Variants in DMD observed in about 807,000 individuals in gnomAD.
The protein encoded by DMD is dystrophin.
In DMD, 63 loss-of-function variants were observed where a neutral mutation model predicts 330.1. That is an observed-to-expected ratio of 0.19 (90% CI 0.16 to 0.24). DMD has a LOEUF of 0.24. DMD is among the 10% of genes least tolerant of loss of function. DMD has a pLI of 1.00. For synonymous variants in DMD, 1,223 were observed against 959.8 expected (o/e 1.27, Z -5.07); for missense variants, 3,344 against 2,684.1 (o/e 1.25, Z -5.43).
intron 62 of DMD, among the ~76,000 whole-genome samples, chrX:31,295,375 T>A (rs1402525076): frequency 9.0e-6 from 1 of 110,803 alleles, no homozygotes; most frequent in Non-Finnish European, 1.9e-5. Flanking sequence ...ACATTTAGTA[T>A]ACATACCATA....
At chrX:31,351,732 A>AAAAAAAAAAAAAAC (rs2058432335) in intron 60 of DMD, among the ~76,000 whole-genome samples, 1 of 107,402 alleles carries the variant, frequency 9.3e-6, no homozygotes, top group Non-Finnish European at 1.9e-5. Flanking sequence ...TCTCAAAAAA[A>AAAAAAAAAAAAAAC]AAAAAAAAAA....
At chrX:32,793,786 G>C (rs1283787473) in intron 7 of DMD, among the ~76,000 whole-genome samples, 1 of 111,489 alleles carries the variant, frequency 9.0e-6, no homozygotes, top group Non-Finnish European at 1.9e-5. Context: ...AACGAAGACA[G>C]TCCAGGACCA....
At chrX:33,336,868 A>G (rs1180522987) in intron 1 of DMD, among the ~76,000 whole-genome samples, 1 of 111,248 alleles carries the variant, frequency 9.0e-6, no homozygotes, top group Admixed American at 9.6e-5. Context: ...TTTTAGAGCA[A>G]GAAATATTGG....
At chrX:32,160,667 T>C (rs932459848) in intron 44 of DMD, among the ~76,000 whole-genome samples, 2 of 111,576 alleles carry the variant, frequency 1.8e-5, no homozygotes, top group Non-Finnish European at 3.8e-5. Context: ...TAGCATACTG[T>C]ACTCAAAGTC....
chrX:32,589,940 C>T (rs1436206026), intron 13 of DMD, among the ~76,000 whole-genome samples: 10 of 111,681 alleles, frequency 9.0e-5, no homozygotes, highest in Non-Finnish European at 1.9e-4. Context: ...AACACAGACT[C>T]ACCCACGAAC....
intron 16 of DMD, among the ~76,000 whole-genome samples, chrX:32,557,411 T>A (rs771307890): frequency 8.0e-5 from 9 of 112,165 alleles, no homozygotes; most frequent in Non-Finnish European, 1.5e-4. Context: ...TGTTTGGCTC[T>A]TGACATGCTA....
intron 7 of DMD, among the ~76,000 whole-genome samples, chrX:32,779,171 T>G (rs896842323): frequency 9.0e-6 from 1 of 110,903 alleles, no homozygotes; most frequent in Non-Finnish European, 1.9e-5. Context: ...CACTGATAGG[T>G]GGCACAGTAG....
intron 7 of DMD, among the ~76,000 whole-genome samples, chrX:32,730,654 T>C (rs759391340): frequency 8.9e-6 from 1 of 112,223 alleles, no homozygotes; most frequent in South Asian, 3.7e-4. Flanking sequence ...TGAAAAATAT[T>C]AGTAACTACT....
intron 61 of DMD, among the ~76,000 whole-genome samples, chrX:31,335,121 A>C (rs1318530685): frequency 4.4e-5 from 5 of 112,366 alleles, no homozygotes; most frequent in Non-Finnish European, 7.5e-5. Context: ...TCTTGTTAAA[A>C]TGTAAGCTCC....
chrX:31,566,411 C>T (rs1020892162), intron 55 of DMD, among the ~76,000 whole-genome samples: 2 of 111,529 alleles, frequency 1.8e-5, no homozygotes, highest in African/African-American at 3.3e-5. Flanking sequence ...GGCACATTTG[C>T]ATGGGTCTGT....
chrX:33,316,539 A>G (rs1380061968), intron 1 of DMD, among the ~76,000 whole-genome samples: 1 of 111,796 alleles, frequency 8.9e-6, no homozygotes, highest in Non-Finnish European at 1.9e-5. Context: ...TTCTCTGCCT[A>G]TGTGTATCCA....
chrX:31,685,806 G>A (rs1462900120), intron 52 of DMD, among the ~76,000 whole-genome samples: 1 of 112,302 alleles, frequency 8.9e-6, no homozygotes, highest in Admixed American at 9.4e-5. Flanking sequence ...GATAAGAGTT[G>A]GAATAGTTAG....
chrX:31,403,216 T>C (rs2148852353), intron 60 of DMD, among the ~76,000 whole-genome samples: 1 of 112,254 alleles, frequency 8.9e-6, no homozygotes, highest in Non-Finnish European at 1.9e-5. Context: ...TTGTAATGTG[T>C]CAGAGAACAA....
chrX:31,167,115 T>A (rs1021177702), intron 74 of DMD, among the ~76,000 whole-genome samples: 2 of 111,736 alleles, frequency 1.8e-5, no homozygotes, highest in African/African-American at 6.5e-5. Flanking sequence ...CAATTCTATG[T>A]AAATGACATT....
chrX:32,312,381 T>C (rs972288240), intron 41 of DMD, among the ~76,000 whole-genome samples: 18 of 111,483 alleles, frequency 1.6e-4, no homozygotes, highest in African/African-American at 5.8e-4. Context: ...TTCATTACTT[T>C]CATTTGAGAT....
At chrX:32,646,510 T>C (rs1223729850) in intron 9 of DMD, among the ~76,000 whole-genome samples, 3 of 111,088 alleles carry the variant, frequency 2.7e-5, no homozygotes, top group Admixed American at 9.6e-5. Context: ...AAACAGGGTT[T>C]TGTAAAGGAA....
At chrX:32,653,020 G>C (rs12009044) in intron 9 of DMD, among the ~76,000 whole-genome samples, 8,097 of 110,792 alleles carry the variant, frequency 0.073, 718 homozygotes, top group African/African-American at 0.25. Flanking sequence ...TTTTTTTCTT[G>C]TAAATTTGTT....
intron 29 of DMD, among the ~76,000 whole-genome samples, chrX:32,415,454 T>G (rs959335357): frequency 1.2e-4 from 14 of 112,008 alleles, no homozygotes; most frequent in South Asian, 3.7e-4. Context: ...CAACTAGTCA[T>G]GGCATAAGCT....
At chrX:32,498,409 A>C (rs910907832) in intron 19 of DMD, among the ~76,000 whole-genome samples, 3 of 110,517 alleles carry the variant, frequency 2.7e-5, no homozygotes, top group Non-Finnish European at 3.8e-5. Context: ...AAATGCCAGA[A>C]ACGTGATTTT....
Sources: gnomAD v4.1 joint callset for allele counts (sites outside exome capture counted in the v4.1 genomes callset) on GRCh38, gnomAD v4.1.1 for gene constraint, MANE v1.5 for transcripts, NCBI Gene and HGNC (gene_info 2026-07-23, HGNC 2026-07-21) for gene names.